Variants in RANBP10 observed in about 807,000 individuals in gnomAD.
The protein encoded by RANBP10 is RAN binding protein 10, also known as ran-binding protein 10.
RANBP10 carries 24 observed loss-of-function variants against 72.8 expected under a neutral mutation model. That is an observed-to-expected ratio of 0.33 (90% CI 0.24 to 0.46). The LOEUF (loss-of-function observed/expected upper bound fraction) is 0.46, where lower values mean the gene tolerates loss of function less well. Ranked by LOEUF, RANBP10 falls within the 20% of genes least tolerant of loss-of-function variation. RANBP10 has a pLI of 1.00. For synonymous variants in RANBP10, 310 were observed against 322.3 expected, an observed-to-expected ratio of 0.96 and a Z score of 0.41; for missense variants, 679 against 817.5, an observed-to-expected ratio of 0.83 and a Z score of 2.07.
chr16:67,744,849 G>A (rs1404207109), intron 3 of RANBP10, among the ~76,000 whole-genome samples: 6 of 152,130 alleles, frequency 3.9e-5, no homozygotes, highest in African/African-American at 7.2e-5. Context: ...GTTTTGAGAC[G>A]GAGTCTCGCT....
intron 2 of RANBP10, 55 bp from the exon 3 acceptor site, chr16:67,772,141 C>A: frequency 6.5e-7 from 1 of 1,544,358 alleles, no homozygotes; most frequent in South Asian, 1.2e-5. Flanking sequence ...AATGCTCATG[C>A]GTCTCCCTTC....
At chr16:67,769,919 G>GC (rs2054579374) in intron 3 of RANBP10, among the ~76,000 whole-genome samples, 1 of 152,006 alleles carries the variant, frequency 6.6e-6, no homozygotes, top group South Asian at 2.1e-4. Flanking sequence ...TGAAAAATTA[G>GC]CTGGGTATGG....
chr16:67,778,165 T>G (rs1597896572), intron 2 of RANBP10, among the ~76,000 whole-genome samples: 1 of 152,008 alleles, frequency 6.6e-6, no homozygotes, highest in South Asian at 2.1e-4. Flanking sequence ...GCCTGACCTA[T>G]GTGGAGAAAC....
At position 67,770,584 on chromosome 16, in the gene RANBP10, C is replaced by T. The variant is rs563561474; in HGVS notation, c.400+1450G>A. Among the ~76,000 whole-genome samples, 30 of 152,266 alleles carry T rather than the reference C, an allele frequency of 2.0e-4. 1 individual carries two copies. In the Middle Eastern group the frequency reaches 0.01, roughly 52 times the overall value. On this transcript the variant is annotated intron_variant, in intron 3 of 13. Transcript: ENST00000317506. The stretch of plus-strand genomic sequence containing the variant: ...CCAAGAAAAAAACACAAGGACTTTT[C>T]CTGACCCCATGACGTGTCAGGGAAG...
At chr16:67,794,987 G>A (rs552674609) in intron 2 of RANBP10, among the ~76,000 whole-genome samples, 1 of 149,640 alleles carries the variant, frequency 6.7e-6, no homozygotes, top group African/African-American at 2.5e-5. Context: ...AAGTACAGTG[G>A]CTCACACCTG....
intron 5 of RANBP10, chr16:67,735,871 G>A (rs1411210566): frequency 6.6e-6 from 1 of 152,334 alleles, no homozygotes; most frequent in Non-Finnish European, 1.5e-5. Flanking sequence ...GGAACCGGTG[G>A]TCTAGACCCC....
chr16:67,802,404 G>A (rs1182311746), intron 2 of RANBP10, among the ~76,000 whole-genome samples: 2 of 152,200 alleles, frequency 1.3e-5, no homozygotes, highest in African/African-American at 4.8e-5. Context: ...TTGGGAGACT[G>A]ACGCAGGTGA....
intron 2 of RANBP10, among the ~76,000 whole-genome samples, chr16:67,781,451 T>C (rs138147670): frequency 0.011 from 1,646 of 152,264 alleles, 11 homozygotes; most frequent in Middle Eastern, 0.024. Flanking sequence ...TAGAGCAGCT[T>C]AGCTCCCAAC....
intron 5 of RANBP10, among the ~76,000 whole-genome samples, chr16:67,737,746 C>T (rs1366284953): frequency 6.6e-6 from 1 of 152,094 alleles, no homozygotes. Flanking sequence ...ATTCCACCAC[C>T]CTACCCGCCC....
intron 3 of RANBP10, among the ~76,000 whole-genome samples, chr16:67,767,454 CAAAAA>C (rs1178049394): frequency 3.1e-5 from 2 of 64,074 alleles, no homozygotes; most frequent in East Asian, 7.7e-4. Flanking sequence ...GACCCTGTTT[CAAAAA>C]AAAAAAAAAA....
chr16:67,764,557 C>T (rs753229642), intron 3 of RANBP10, among the ~76,000 whole-genome samples: 8 of 152,302 alleles, frequency 5.3e-5, no homozygotes, highest in Admixed American at 2.6e-4. Context: ...CTCCTCGTAG[C>T]TTGCAGTCTA....
intron 3 of RANBP10, among the ~76,000 whole-genome samples, chr16:67,765,291 C>A (rs537859105): frequency 2.6e-5 from 4 of 151,132 alleles, no homozygotes; most frequent in African/African-American, 9.7e-5. Context: ...CTTTAGGAGG[C>A]CAAGGCAGGT....
chr16:67,748,376 A>T (rs1428961761), intron 3 of RANBP10, among the ~76,000 whole-genome samples: 1 of 151,694 alleles, frequency 6.6e-6, no homozygotes, highest in African/African-American at 2.4e-5. Flanking sequence ...AAAAAAAATT[A>T]GCCGGGCGTG....
At chr16:67,790,149 C>T (rs1050238278) in intron 2 of RANBP10, among the ~76,000 whole-genome samples, 2 of 150,122 alleles carry the variant, frequency 1.3e-5, no homozygotes, top group Non-Finnish European at 3.0e-5. Flanking sequence ...CATGCCACAA[C>T]ACAGATAAAC....
At chr16:67,753,474 A>G (rs1259119399) in intron 3 of RANBP10, among the ~76,000 whole-genome samples, 3 of 152,234 alleles carry the variant, frequency 2.0e-5, no homozygotes, top group Non-Finnish European at 4.4e-5. Flanking sequence ...AGCCTGGGCA[A>G]TAAAGATTCT....
At position 67,734,965 on chromosome 16, in the gene RANBP10, C is replaced by T. The variant is rs954567219; in HGVS notation, c.669G>A (p.Leu223=). Residue 223 remains leucine, a synonymous_variant, in exon 6 of 14, where the codon CTG becomes CTA. Coordinates refer to ENST00000317506, the MANE Select transcript of RANBP10 (RefSeq NM_020850.3). ...CCCGCATGTAGTCCTCAATGTCAAA[C>T]AGGAAGGGCTGCTGCCCAAAGTTGG... is the stretch of plus-strand genomic sequence containing the variant. ...VDANFGQQPF[L]FDIEDYMREW... is the part of the protein sequence containing the mutation. The T allele has an allele frequency of 1.9e-6, 3 of 1,614,142 alleles. No homozygotes were observed. The highest frequency in any genetic ancestry group is 1.7e-5 in the Admixed American group (1 of 60,022).
intron 2 of RANBP10, among the ~76,000 whole-genome samples, chr16:67,777,405 G>T (rs541176489): frequency 6.6e-6 from 1 of 151,834 alleles, no homozygotes. Flanking sequence ...GCATGGTGGC[G>T]GGGGCCTGTA....
At chr16:67,733,104 C>A (rs1259756802) in intron 6 of RANBP10, among the ~76,000 whole-genome samples, 1 of 150,828 alleles carries the variant, frequency 6.6e-6, no homozygotes, top group Non-Finnish European at 1.5e-5. Context: ...GTGGCTCATG[C>A]CTGTAATCTC....
At chr16:67,795,552 C>T (rs1251152624) in intron 2 of RANBP10, among the ~76,000 whole-genome samples, 1 of 151,480 alleles carries the variant, frequency 6.6e-6, no homozygotes, top group African/African-American at 2.4e-5. Flanking sequence ...AATAAACAAA[C>T]AAATAAAATA....
Sources: allele counts gnomAD v4.1 joint callset (sites outside exome capture counted in the v4.1 genomes callset), GRCh38; gene constraint gnomAD v4.1.1; transcripts MANE v1.5; gene names NCBI Gene and HGNC (gene_info 2026-07-23, HGNC 2026-07-21).